TMEM131L: variants seen among roughly 807,000 people sequenced by gnomAD.
The protein encoded by TMEM131L is transmembrane 131 like.
TMEM131L carries 54 observed loss-of-function variants against 192.2 expected under a neutral mutation model. The ratio of observed to expected loss-of-function variants is 0.28; its 90% CI spans 0.23 to 0.35. The LOEUF is 0.35. Ranked by LOEUF, TMEM131L falls within the 10% of genes least tolerant of loss-of-function variation. The pLI, the probability that TMEM131L is intolerant of heterozygous loss-of-function variation, is 1.00. For synonymous variants in TMEM131L, 701 were observed against 704.9 expected, an observed-to-expected ratio of 0.99 and a Z score of 0.09; for missense variants, 1,888 against 1,972.9, an observed-to-expected ratio of 0.96 and a Z score of 0.82.
rs780780681 is a variant in TMEM131L at position 153,587,804 on chromosome 4, A to G, written c.1545A>G (p.Ser515=). ...GCATGCATTATTTCATGGGAAAATC[A>G]AAAGCAGGTAAGTATTTTGCCCTTA... ...HCGMHYFMGK[S]KAGNPNWNGS... is the part of the protein sequence containing the mutation. The change falls in exon 15 of 35, where the codon TCA becomes TCG. Residue 515 remains serine (S), a synonymous_variant. Transcript: ENST00000409959. The G allele has an allele frequency of 3.7e-6, 6 of 1,612,130 alleles. No individual in the cohort carries two copies. The highest frequency in any genetic ancestry group is 4.5e-5 in the East Asian group (2 of 44,858).
intron 3 of TMEM131L, among the ~76,000 whole-genome samples, chr4:153,477,445 C>T (rs28369365): frequency 0.21 from 32,604 of 152,072 alleles, 5,380 homozygotes; most frequent in African/African-American, 0.44. Context: ...TCTTATTATT[C>T]AGCACTAGTT....
intron 7 of TMEM131L, among the ~76,000 whole-genome samples, chr4:153,573,629 T>G (rs1729740131): frequency 6.6e-6 from 1 of 152,224 alleles, no homozygotes; most frequent in Non-Finnish European, 1.5e-5. Context: ...GTTTAGATAG[T>G]ACAGGGGTTA....
At chr4:153,609,738 A>G (rs1419102383) in intron 25 of TMEM131L, among the ~76,000 whole-genome samples, 4 of 152,180 alleles carry the variant, frequency 2.6e-5, no homozygotes, top group Non-Finnish European at 5.9e-5. Flanking sequence ...TTTTAGTACT[A>G]TATTCTTGGC....
chr4:153,590,905 C>T, intron 16 of TMEM131L, 148 bp from the exon 17 acceptor site: 1 of 415,954 alleles, frequency 2.4e-6, no homozygotes, highest in Non-Finnish European at 3.9e-6. Context: ...TTCCCATCCC[C>T]AGACCTAGAA....
intron 3 of TMEM131L, among the ~76,000 whole-genome samples, chr4:153,524,189 C>T (rs541629565): frequency 1.3e-5 from 2 of 150,392 alleles, no homozygotes; most frequent in Admixed American, 1.3e-4. Context: ...GAATTTGGCC[C>T]CTGGCTGCTC....
intron 23 of TMEM131L, 86 bp downstream of exon 23, chr4:153,602,813 T>A: frequency 1.7e-6 from 2 of 1,162,370 alleles, no homozygotes; most frequent in Non-Finnish European, 1.3e-6. Flanking sequence ...TGCCCGAGTG[T>A]AGTCAAAGTA....
chr4:153,583,613 C>G lies in TMEM131L; in HGVS notation c.1001C>G (p.Pro334Arg). The change falls in exon 11 of 35, where the codon CCA (proline) becomes CGA (arginine). Residue 334 changes from proline (P) to arginine (R), a missense_variant. Coordinates refer to ENST00000409959, the MANE Select transcript of TMEM131L (RefSeq NM_001131007.2). ...QRDALSLQFE[P>R]VLLPTSTTNF... ...GATGCTCTGTCTCTGCAGTTTGAACCAGTACTACTACCTACTTCTACAACA... is the reference window on the plus strand; with the variant it reads ...GATGCTCTGTCTCTGCAGTTTGAACGAGTACTACTACCTACTTCTACAACA... The G allele has an allele frequency of 6.2e-7, 1 of 1,612,458 alleles. No homozygotes were observed. The highest frequency in any genetic ancestry group is 1.1e-5 in the South Asian group (1 of 90,618).
At chr4:153,614,937 T>A (rs540843797) in intron 26 of TMEM131L, among the ~76,000 whole-genome samples, 11 of 152,160 alleles carry the variant, frequency 7.2e-5, no homozygotes, top group African/African-American at 2.6e-4. Context: ...ACATGGCCAT[T>A]TACAAAAGAT....
intron 7 of TMEM131L, among the ~76,000 whole-genome samples, chr4:153,569,928 C>G (rs1404851472): frequency 1.3e-5 from 2 of 152,186 alleles, no homozygotes; most frequent in Non-Finnish European, 2.9e-5. Flanking sequence ...AAGTTCAAGG[C>G]TATGGTAGTG....
At chr4:153,569,249 C>T (rs1729423884) in intron 7 of TMEM131L, among the ~76,000 whole-genome samples, 1 of 152,202 alleles carries the variant, frequency 6.6e-6, no homozygotes, top group South Asian at 2.1e-4. Flanking sequence ...AGCCGATTTC[C>T]AGCCCTGTGC....
At chr4:153,604,674 T>C (rs1052791912) in intron 25 of TMEM131L, among the ~76,000 whole-genome samples, 7 of 152,190 alleles carry the variant, frequency 4.6e-5, no homozygotes, top group Non-Finnish European at 1.0e-4. Flanking sequence ...TATTTTCTTG[T>C]TGGGATGGAC....
At chr4:153,591,512 G>T (rs1008608603) in intron 17 of TMEM131L, among the ~76,000 whole-genome samples, 4 of 152,186 alleles carry the variant, frequency 2.6e-5, no homozygotes, top group African/African-American at 9.7e-5. Flanking sequence ...AGCGAGTCAG[G>T]TTGTGCTCTC....
chr4:153,550,579 G>A (rs1737543412), intron 4 of TMEM131L, among the ~76,000 whole-genome samples: 1 of 152,154 alleles, frequency 6.6e-6, no homozygotes, highest in Non-Finnish European at 1.5e-5. Flanking sequence ...GCCCGCCTCG[G>A]CCTCCCAAAG....
At chr4:153,520,566 C>T (rs184319374) in intron 3 of TMEM131L, among the ~76,000 whole-genome samples, 1 of 152,302 alleles carries the variant, frequency 6.6e-6, no homozygotes, top group African/African-American at 2.4e-5. Flanking sequence ...ATATTTTTCA[C>T]ACTTTGGGCA....
rs397879528 is a variant in TMEM131L, at chr4:153,601,107, CA to C, written c.2267-1029del. 2.9e-3 allele frequency among the ~76,000 whole-genome samples: 299 copies of C among 103,038 alleles called. 1 individual carries two copies. The highest frequency in any genetic ancestry group is 4.6e-3 in the African/African-American group (118 of 25,594). The allele number at this position is 103,038 out of a possible 152,430, so 67.6% of individuals were successfully genotyped here. On this transcript the variant is annotated intron_variant, in intron 21 of 34. Transcript: ENST00000409959. Reference sequence around the variant, plus strand: ...CCTGGGTGACAGAACAAGACTGTCTCAAAAAAAAAAAAAAAAGATTTGTTAG... The same window carrying C: ...CCTGGGTGACAGAACAAGACTGTCTCAAAAAAAAAAAAAAAGATTTGTTAG...
At chr4:153,625,686 T>A (rs1281650988) in intron 29 of TMEM131L, among the ~76,000 whole-genome samples, 2 of 152,038 alleles carry the variant, frequency 1.3e-5, no homozygotes, top group Non-Finnish European at 2.9e-5. Flanking sequence ...GGCAGGTGGA[T>A]CACCTGAGGT....
intron 3 of TMEM131L, among the ~76,000 whole-genome samples, chr4:153,477,405 GTTTTC>G (rs1174954393): frequency 1.3e-5 from 2 of 152,158 alleles, no homozygotes; most frequent in African/African-American, 4.8e-5. Context: ...CTTTGTATTT[GTTTTC>G]TTTTGTAGAT....
At chr4:153,584,796 G>A (rs995995849) in intron 11 of TMEM131L, 39 bp from the exon 12 acceptor site, 7 of 1,417,368 alleles carry the variant, frequency 4.9e-6, no homozygotes, top group Non-Finnish European at 6.0e-6. Flanking sequence ...TGAAAGAAAA[G>A]GTACTTAAGC....
At chr4:153,472,816 A>G (rs528801557) in intron 2 of TMEM131L, among the ~76,000 whole-genome samples, 1 of 152,218 alleles carries the variant, frequency 6.6e-6, no homozygotes, top group Non-Finnish European at 1.5e-5. Flanking sequence ...TGGGGGAATT[A>G]CATGCTTTTG....
Sources: allele counts gnomAD v4.1 joint callset (sites outside exome capture counted in the v4.1 genomes callset), GRCh38; gene constraint gnomAD v4.1.1; transcripts MANE v1.5; gene names NCBI Gene and HGNC (gene_info 2026-07-23, HGNC 2026-07-21).